Variants in HRH1 observed in about 807,000 individuals in gnomAD.
HRH1 encodes the protein histamine receptor H1.
A neutral mutation model predicts 10.3 loss-of-function variants in HRH1; 6 were observed. That is an observed-to-expected ratio of 0.58 (90% CI 0.32 to 1.15). HRH1 has a LOEUF of 1.15. HRH1 is among the 50% of genes most tolerant of loss of function. The pLI is 0.05. For missense variants in HRH1, 514 were observed against 615.3 expected, an observed-to-expected ratio of 0.84 and a Z score of 1.74; for synonymous variants, 242 against 236.7, an observed-to-expected ratio of 1.02 and a Z score of -0.21.
intron 1 of HRH1, among the ~76,000 whole-genome samples, chr3:11,238,394 G>A (rs963301988): frequency 1.3e-5 from 2 of 152,130 alleles, no homozygotes; most frequent in East Asian, 3.9e-4. Context: ...TAAGCAACTA[G>A]TTTGTTTTCA....
chr3:11,145,056 C>G (rs1936405997), intron 1 of HRH1, among the ~76,000 whole-genome samples: 1 of 152,118 alleles, frequency 6.6e-6, no homozygotes, highest in Non-Finnish European at 1.5e-5. Context: ...TCTCCCAGCC[C>G]CAATCCCCAT....
At chr3:11,207,844 G>T (rs925885078) in intron 1 of HRH1, among the ~76,000 whole-genome samples, 4 of 152,156 alleles carry the variant, frequency 2.6e-5, no homozygotes, top group African/African-American at 9.7e-5. Flanking sequence ...GAGAAGAGCG[G>T]GCATCCTTGT....
chr3:11,192,798 C>T (rs1937572010), intron 1 of HRH1, among the ~76,000 whole-genome samples: 2 of 152,142 alleles, frequency 1.3e-5, no homozygotes, highest in Admixed American at 1.3e-4. Flanking sequence ...GATGGGCACT[C>T]AACAGGCCAC....
At chr3:11,255,745 T>C (rs1939766263) in intron 1 of HRH1, among the ~76,000 whole-genome samples, 1 of 152,126 alleles carries the variant, frequency 6.6e-6, no homozygotes, top group South Asian at 2.1e-4. Context: ...AAGAGACAGA[T>C]GGTTGCATTC....
At chr3:11,234,320 G>A in intron 1 of HRH1, 1 of 1,578,796 alleles carries the variant, frequency 6.3e-7, no homozygotes, top group South Asian at 1.1e-5. Context: ...TGCTTGTTCT[G>A]CTGGCTTCTT....
At chr3:11,196,458 T>A (rs1036805993) in intron 1 of HRH1, among the ~76,000 whole-genome samples, 1 of 152,032 alleles carries the variant, frequency 6.6e-6, no homozygotes, top group Admixed American at 6.6e-5. Context: ...CAGGCTGGAG[T>A]GCAGTGGCGT....
At chr3:11,201,706 C>T (rs1234497010) in intron 1 of HRH1, among the ~76,000 whole-genome samples, 3 of 152,224 alleles carry the variant, frequency 2.0e-5, no homozygotes, top group African/African-American at 4.8e-5. Context: ...TGTTGCCACA[C>T]CCTCAAGGGG....
At chr3:11,249,587 T>G (rs1228338926) in intron 1 of HRH1, among the ~76,000 whole-genome samples, 1 of 152,006 alleles carries the variant, frequency 6.6e-6, no homozygotes, top group Admixed American at 6.6e-5. Flanking sequence ...TAATGGAAAT[T>G]TGTACAGGAT....
intron 1 of HRH1, among the ~76,000 whole-genome samples, chr3:11,201,650 A>T (rs532687094): frequency 6.6e-6 from 1 of 152,292 alleles, no homozygotes; most frequent in Non-Finnish European, 1.5e-5. Context: ...ATATCCTTAG[A>T]CTAGTCGGAG....
At chr3:11,141,514 G>A (rs2124991574) in intron 1 of HRH1, among the ~76,000 whole-genome samples, 1 of 152,288 alleles carries the variant, frequency 6.6e-6, no homozygotes, top group South Asian at 2.1e-4. Flanking sequence ...CTTGGCTGGA[G>A]GATCCACTTC....
At chr3:11,244,166 A>G (rs1939422051) in intron 1 of HRH1, among the ~76,000 whole-genome samples, 1 of 152,246 alleles carries the variant, frequency 6.6e-6, no homozygotes, top group Non-Finnish European at 1.5e-5. Flanking sequence ...TATGGTCCCA[A>G]GATGGCTGCT....
chr3:11,260,170 G>T lies in HRH1; in HGVS notation c.1133G>T (p.Ser378Ile), dbSNP rs773238183. The T allele has an allele frequency of 1.2e-6, 2 of 1,613,966 alleles. No individual in the cohort carries two copies. Among genetic ancestry groups the T allele is most frequent in the African/African-American group, 1.3e-5 (1 of 74,908 alleles). ...GCACCAGGCAAAGGCAAATTGAGGA[G>T]TGGGTCTAACACAGGCCTGGATTAC... ...ETAPGKGKLRSGSNTGLDYIK... is the reference protein window; with the variant it reads ...ETAPGKGKLRIGSNTGLDYIK... The change falls in exon 2 of 2, where the codon AGT becomes ATT. Residue 378 changes from serine to isoleucine, a missense_variant. Coordinates refer to ENST00000431010, the MANE Select transcript of HRH1 (RefSeq NM_001098212.2).
chr3:11,178,241 C>A (rs1400756213), intron 1 of HRH1, among the ~76,000 whole-genome samples: 1 of 152,194 alleles, frequency 6.6e-6, no homozygotes, highest in Non-Finnish European at 1.5e-5. Flanking sequence ...CCCTCCTTTC[C>A]TTCTGGTTCT....
At chr3:11,202,534 A>G (rs941323756) in intron 1 of HRH1, among the ~76,000 whole-genome samples, 9 of 152,122 alleles carry the variant, frequency 5.9e-5, no homozygotes, top group Admixed American at 5.9e-4. Flanking sequence ...CCTATGTGGT[A>G]TTGACCTCCT....
Position 11,259,769 on chromosome 3 carries a change from C to T in HRH1, c.732C>T (p.Pro244=). Residue 244 remains proline, a synonymous_variant, in exon 2 of 2, where the codon CCC becomes CCT. Transcript: ENST00000431010. This position sits in a 1 kb window ranked among gnomAD's most constrained non-coding sequence, Gnocchi z 4.6. ...AAATTAAGCTGAGGCCAGAGAACCC[C>T]AAGGGGGATGCCAAGAAACCAGGGA... is the stretch of plus-strand genomic sequence containing the variant. ...FSEIKLRPEN[P]KGDAKKPGKE... is the part of the protein sequence containing the mutation. 6.2e-7 allele frequency: 1 copy of T among 1,613,946 alleles called. No individual in the cohort carries two copies. The highest frequency in any genetic ancestry group is 1.1e-5 in the South Asian group (1 of 91,060).
intron 1 of HRH1, among the ~76,000 whole-genome samples, chr3:11,172,704 C>CTTTTTTTTTTTTTTT (rs537415650): frequency 1.5e-5 from 2 of 130,928 alleles, no homozygotes; most frequent in African/African-American, 6.1e-5. Flanking sequence ...TTTGGCGAAT[C>CTTTTTTTTTTTTTTT]TTTTTTTTTT....
At chr3:11,164,839 A>G (rs1936998500) in intron 1 of HRH1, among the ~76,000 whole-genome samples, 1 of 152,212 alleles carries the variant, frequency 6.6e-6, no homozygotes, top group African/African-American at 2.4e-5. Context: ...CGCCAAAGAA[A>G]AAGTTCTCGC....
In HRH1 at chr3:11,163,899, AC is replaced by A. The variant is rs553334437; in HGVS notation, c.-36+9350del. On this transcript the variant is annotated intron_variant, in intron 1 of 1. Coordinates refer to ENST00000431010, the MANE Select transcript of HRH1 (RefSeq NM_001098212.2). ...TAGGATCCTTCTCTGGCCTTACAACACCCCCAGACTCACATCTTCCATACAT... is the reference window on the plus strand; with the variant it reads ...TAGGATCCTTCTCTGGCCTTACAACACCCCAGACTCACATCTTCCATACAT... Among the ~76,000 whole-genome samples, 152 of 151,330 alleles carry A rather than the reference AC, an allele frequency of 1.0e-3. No individual in the cohort carries two copies. The Middle Eastern group carries it at 0.017, about 17-fold the overall frequency.
At chr3:11,240,842 C>T (rs1284007280) in intron 1 of HRH1, among the ~76,000 whole-genome samples, 1 of 152,162 alleles carries the variant, frequency 6.6e-6, no homozygotes, top group African/African-American at 2.4e-5. Context: ...ACCTCTTTCT[C>T]AGAATTAGAT....
Sources: gnomAD v4.1 joint callset for allele counts (sites outside exome capture counted in the v4.1 genomes callset) on GRCh38, gnomAD v4.1.1 for gene constraint, Gnocchi (gnomAD v3.1) non-coding constraint, MANE v1.5 for transcripts, NCBI Gene and HGNC (gene_info 2026-07-23, HGNC 2026-07-21) for gene names.